The following CDK13 variants were observed in gnomAD, a reference collection of about 807,000 sequenced individuals.
CDK13 encodes cyclin-dependent kinase 13.
Under a neutral mutation model 137.6 loss-of-function variants are expected in CDK13, and 40 were observed. That is an observed-to-expected ratio of 0.29 (90% CI 0.23 to 0.38). The LOEUF is 0.38. Among genes scored for constraint, CDK13 ranks in the 10% least tolerant of loss-of-function variants. The pLI, the probability that CDK13 is intolerant of heterozygous loss-of-function variation, is 1.00. For missense variants in CDK13, 1,704 were observed against 1,951.8 expected, an observed-to-expected ratio of 0.87 and a Z score of 2.39; for synonymous variants, 869 against 760.1, an observed-to-expected ratio of 1.14 and a Z score of -2.36.
rs1364142686 is a variant in CDK13 at position 40,043,625 on chromosome 7, C to T, written c.2354-2211C>T. 2.6e-5 allele frequency among the ~76,000 whole-genome samples: 4 copies of T among 151,898 alleles called. No homozygotes were observed. In the South Asian group the frequency reaches 8.3e-4, roughly 32 times the overall value. On this transcript the variant is annotated intron_variant, in intron 5 of 13. Coordinates refer to ENST00000181839, the MANE Select transcript of CDK13 (RefSeq NM_003718.5). Reference sequence around the variant, plus strand: ...TTGAGTCGGGGAATTCAAGACTAACCTGGGTAACATAGAGAGACCCCATCT... The same window carrying T: ...TTGAGTCGGGGAATTCAAGACTAACTTGGGTAACATAGAGAGACCCCATCT...
intron 1 of CDK13, among the ~76,000 whole-genome samples, chr7:39,976,361 A>G (rs995166159): frequency 6.7e-6 from 1 of 149,238 alleles, no homozygotes; most frequent in African/African-American, 2.4e-5. Context: ...ACACACACAG[A>G]AACAAATGGA....
At chr7:39,999,224 G>A (rs1784632662) in intron 3 of CDK13, 137 bp from the exon 4 acceptor site, 2 of 607,126 alleles carry the variant, frequency 3.3e-6, no homozygotes, top group Admixed American at 7.1e-5. Flanking sequence ...ACTTGTTTGG[G>A]ATAGATGATG....
intron 1 of CDK13, among the ~76,000 whole-genome samples, chr7:39,955,588 TTATG>T (rs1021642566): frequency 2.0e-5 from 3 of 152,008 alleles, no homozygotes; most frequent in African/African-American, 7.2e-5. Flanking sequence ...GCTTGGGTAT[TTATG>T]TGTTGGTTTC....
intron 1 of CDK13, among the ~76,000 whole-genome samples, chr7:39,963,272 C>G (rs12534103): frequency 0.091 from 13,861 of 152,192 alleles, 1,057 homozygotes; most frequent in East Asian, 0.36. Context: ...AATGTTCTTC[C>G]ATTTGTTTGT....
At chr7:40,006,966 A>T (rs904067778) in intron 5 of CDK13, among the ~76,000 whole-genome samples, 3 of 152,166 alleles carry the variant, frequency 2.0e-5, no homozygotes, top group Admixed American at 2.0e-4. Context: ...CCCTACCCTC[A>T]AAAAGGTACT....
chr7:39,983,284 C>T (rs1784268122), intron 1 of CDK13, among the ~76,000 whole-genome samples: 1 of 152,136 alleles, frequency 6.6e-6, no homozygotes, highest in African/African-American at 2.4e-5. Context: ...GGAATCCTTT[C>T]CCCATTGCTT....
intron 5 of CDK13, among the ~76,000 whole-genome samples, chr7:40,008,094 T>C (rs1784829465): frequency 6.6e-6 from 1 of 152,266 alleles, no homozygotes; most frequent in South Asian, 2.1e-4. Context: ...GAACTGCTGA[T>C]ATCTCCTGAG....
intron 1 of CDK13, among the ~76,000 whole-genome samples, chr7:39,960,750 CT>C (rs763530951): frequency 6.6e-6 from 1 of 150,384 alleles, no homozygotes; most frequent in Non-Finnish European, 1.5e-5. Flanking sequence ...AATTTTTGTA[CT>C]TTTAGTAGAG....
In CDK13 at chr7:40,078,726, T is replaced by G. The variant is rs764457998; in HGVS notation, c.2904T>G (p.Pro968=). ...RKLREEFVFI[P]AAALDLFDYM... ...TGTAATCCTCTCATGCTAGTATTCC[T>G]GCAGCTGCGCTAGACTTATTTGATT... The change falls in exon 11 of 14, where the codon CCT becomes CCG. Residue 968 remains proline, a synonymous_variant. Transcript: ENST00000181839. 6.7e-7 allele frequency: 1 copy of G among 1,496,198 alleles called. No homozygotes were observed. Among genetic ancestry groups the G allele is most frequent in the South Asian group, 1.5e-5 (1 of 68,794 alleles). 92.7% of individuals were successfully genotyped at this position (1,496,198 alleles called of 1,614,324 possible). A position where few individuals can be genotyped will look rare whatever the true frequency, so the allele number is the denominator to read the frequency against.
intron 1 of CDK13, among the ~76,000 whole-genome samples, chr7:39,962,370 A>C (rs1257124558): frequency 6.6e-6 from 1 of 152,134 alleles, no homozygotes; most frequent in Non-Finnish European, 1.5e-5. Context: ...TTTGATTTGC[A>C]TTTCTCTGAT....
chr7:40,021,108 T>TACACACACACACACACACACAC (rs1359649785), intron 5 of CDK13, among the ~76,000 whole-genome samples: 1 of 72,470 alleles, frequency 1.4e-5, no homozygotes, highest in African/African-American at 7.0e-5. Context: ...CAAACGTATA[T>TACACACACACACACACACACAC]ATATATATAT....
intron 1 of CDK13, 107 bp downstream of exon 1, chr7:39,951,959 G>T (rs954353611): frequency 6.1e-5 from 72 of 1,185,544 alleles, no homozygotes; most frequent in Admixed American, 3.6e-5. Flanking sequence ...GTCCACCACC[G>T]AGACGAGACA....
At chr7:39,954,119 G>A (rs1357462037) in intron 1 of CDK13, among the ~76,000 whole-genome samples, 1 of 152,102 alleles carries the variant, frequency 6.6e-6, no homozygotes, top group Admixed American at 6.6e-5. Flanking sequence ...ATGGTACAGA[G>A]CACACGTGTA....
chr7:40,078,147 T>C (rs758799730), intron 10 of CDK13, 26 bp downstream of exon 10: 2 of 1,050,418 alleles, frequency 1.9e-6, no homozygotes, highest in Non-Finnish European at 2.9e-6. Context: ...GTAAACATCC[T>C]TATTGCATGA....
At chr7:40,044,228 C>A (rs1785682163) in intron 5 of CDK13, among the ~76,000 whole-genome samples, 1 of 151,512 alleles carries the variant, frequency 6.6e-6, no homozygotes, top group Non-Finnish European at 1.5e-5. Context: ...AAAGTTTAGT[C>A]CTGGTCATTA....
In CDK13 at chr7:39,998,443, CAAAA is replaced by C. The variant is rs745306473; in HGVS notation, c.2042+805_2042+808del. 20 of 33,172 alleles carry C rather than the reference CAAAA, an allele frequency of 6.0e-4. No individual in the cohort carries two copies. The East Asian group carries it at 0.035, about 57-fold the overall frequency. 2.1% of individuals were successfully genotyped at this position (33,172 alleles called of 1,614,324 possible). ...CAACACAGGGAGACCCCATCTCTAC[CAAAA>C]AAAAAAAAAAAAAAAAAAAAAAAAA... On this transcript the variant is annotated intron_variant, in intron 3 of 13. Coordinates refer to ENST00000181839, the MANE Select transcript of CDK13 (RefSeq NM_003718.5).
At chr7:39,990,704 A>T (rs1316026879) in intron 2 of CDK13, among the ~76,000 whole-genome samples, 5 of 152,208 alleles carry the variant, frequency 3.3e-5, no homozygotes, top group African/African-American at 9.6e-5. Context: ...TACTACTCTC[A>T]TGAGTTAATC....
At chr7:40,027,228 C>G (rs1327722981) in intron 5 of CDK13, among the ~76,000 whole-genome samples, 1 of 152,072 alleles carries the variant, frequency 6.6e-6, no homozygotes, top group African/African-American at 2.4e-5. Flanking sequence ...GCCTGTAATC[C>G]CAGTTACTCA....
intron 11 of CDK13, among the ~76,000 whole-genome samples, chr7:40,084,499 G>T (rs1337082381): frequency 6.6e-6 from 1 of 152,078 alleles, no homozygotes; most frequent in African/African-American, 2.4e-5. Context: ...AAAAAAGTTA[G>T]AAATAACTCC....
Sources: gnomAD v4.1 joint callset for allele counts (sites outside exome capture counted in the v4.1 genomes callset) on GRCh38, gnomAD v4.1.1 for gene constraint, MANE v1.5 for transcripts, NCBI Gene and HGNC (gene_info 2026-07-23, HGNC 2026-07-21) for gene names.